The following LAMA1 variants were observed in gnomAD, a reference collection of about 807,000 sequenced individuals.
LAMA1 encodes laminin subunit alpha 1, also known as laminin subunit alpha-1.
LAMA1 carries 219 observed loss-of-function variants against 348.7 expected under a neutral mutation model. The observed-to-expected ratio is 0.63, with a 90% CI of 0.56 to 0.70. LAMA1 has a LOEUF of 0.70. Ranked by LOEUF, LAMA1 falls within the 30% of genes least tolerant of loss-of-function variation. The probability of loss-of-function intolerance (pLI) is 0.00; values close to 1 mark genes in which losing one functional copy is unlikely to be tolerated. For synonymous variants in LAMA1, 1,487 were observed against 1,491.0 expected (o/e 1.00, Z 0.06); for missense variants, 3,744 against 3,888.0 (o/e 0.96, Z 0.99).
chr18:7,022,917 G>A (rs686745), intron 19 of LAMA1, among the ~76,000 whole-genome samples: 51,334 of 151,942 alleles, frequency 0.34, 9,072 homozygotes, highest in Middle Eastern at 0.45. Context: ...TGGCCGCTCG[G>A]GTGGCAGGCT....
At chr18:7,117,520 G>A (rs1598328183) in intron 1 of LAMA1, 140 bp downstream of exon 1, 1 of 797,502 alleles carries the variant, frequency 1.3e-6, no homozygotes, top group Non-Finnish European at 2.0e-6. Flanking sequence ...GGAGACCCAC[G>A]TGGCCGAGAC....
At position 7,083,176 on chromosome 18, in the gene LAMA1, A is replaced by AATAT. The variant is rs1317677339; in HGVS notation, c.62-2723_62-2720dup. ...ACAGGTTTCTTACCTGGCTGTTCTAAATATATATATATATACATTTTTTTT... is the reference window on the plus strand; with the variant it reads ...ACAGGTTTCTTACCTGGCTGTTCTAAATATATATATATATATATACATTTTTTTT... On this transcript the variant is annotated intron_variant, in intron 1 of 62. Coordinates refer to ENST00000389658, the MANE Select transcript of LAMA1 (RefSeq NM_005559.4). Among the ~76,000 whole-genome samples, 241 of 148,032 alleles carry AATAT rather than the reference A, an allele frequency of 1.6e-3. 1 individual carries two copies. Among genetic ancestry groups the AATAT allele is most frequent in the African/African-American group, 5.5e-3 (222 of 40,290 alleles).
Position 6,947,311 on chromosome 18 carries a change from G to A in LAMA1, c.8711-15C>T, listed in dbSNP as rs2057526501. On this transcript the variant is annotated splice_polypyrimidine_tract_variant and intron_variant, in intron 60 of 62. Transcript: ENST00000389658. Reference sequence around the variant, plus strand: ...GCCCTCTTTGACTGTAACACACAAGGAGGACCCAAGTCAGGGTGAGCGCTG... The same window carrying A: ...GCCCTCTTTGACTGTAACACACAAGAAGGACCCAAGTCAGGGTGAGCGCTG... The A allele has an allele frequency of 3.7e-6, 6 of 1,613,194 alleles. No homozygotes were observed. The highest frequency in any genetic ancestry group is 1.9e-4 in the Middle Eastern group (1 of 5,286).
intron 3 of LAMA1, among the ~76,000 whole-genome samples, chr18:7,075,255 G>A (rs1405036794): frequency 1.3e-5 from 2 of 151,982 alleles, no homozygotes; most frequent in Non-Finnish European, 2.9e-5. Flanking sequence ...CAGCCAAAAG[G>A]TTTGTTCCTT....
At chr18:7,037,786 A>G (rs148699428) in intron 11 of LAMA1, 35 bp from the exon 12 acceptor site, 326 of 1,604,692 alleles carry the variant, frequency 2.0e-4, no homozygotes, top group Non-Finnish European at 2.7e-4. Context: ...GAAGTATGAA[A>G]TAGAACTTAC....
intron 29 of LAMA1, 85 bp from the exon 30 acceptor site, chr18:7,002,470 C>T (rs755163837): frequency 3.5e-5 from 48 of 1,352,344 alleles, no homozygotes; most frequent in South Asian, 2.3e-4. Flanking sequence ...AGCACTGCCA[C>T]GTTTTATATC....
intron 29 of LAMA1, among the ~76,000 whole-genome samples, chr18:7,003,410 C>A (rs1249632011): frequency 6.6e-6 from 1 of 152,046 alleles, no homozygotes; most frequent in Non-Finnish European, 1.5e-5. Flanking sequence ...ACCACCACAA[C>A]CGGCTAATTT....
chr18:7,098,160 G>A (rs1306331746), intron 1 of LAMA1, among the ~76,000 whole-genome samples: 2 of 151,840 alleles, frequency 1.3e-5, no homozygotes, highest in Non-Finnish European at 2.9e-5. Flanking sequence ...GCTCAATGGT[G>A]CCCAGGCTGG....
intron 1 of LAMA1, among the ~76,000 whole-genome samples, chr18:7,108,160 A>G (rs898400262): frequency 2.6e-5 from 4 of 151,210 alleles, no homozygotes; most frequent in African/African-American, 9.7e-5. Context: ...ACATAGTGAA[A>G]CTCCGTCTCT....
chr18:6,953,094 A>C lies in LAMA1; in HGVS notation c.8208-2123T>G, dbSNP rs941378441. Among the ~76,000 whole-genome samples the C allele has an allele frequency of 2.1e-5, 3 of 144,026 alleles. 1 individual carries two copies. Among genetic ancestry groups the C allele is most frequent in the Admixed American group, 1.4e-4 (2 of 14,414 alleles). 94.5% of individuals were successfully genotyped at this position (144,026 alleles called of 152,430 possible). ...ATGGGAGCCATGTCTGCCTGTGTCCAGTGGATCCACACCATAGGAGCCATG... is the reference window on the plus strand; with the variant it reads ...ATGGGAGCCATGTCTGCCTGTGTCCCGTGGATCCACACCATAGGAGCCATG... On this transcript the variant is annotated intron_variant, in intron 57 of 62. Transcript: ENST00000389658.
In LAMA1 at chr18:6,988,169, C is replaced by T. The variant is rs144635314; in HGVS notation, c.5169-1822G>A. Among the ~76,000 whole-genome samples the T allele has an allele frequency of 4.6e-5, 7 of 152,258 alleles. No homozygotes were observed. The East Asian group carries it at 1.2e-3, about 25-fold the overall frequency. The stretch of plus-strand genomic sequence containing the variant: ...GGCCAAATTTTCATCTACAAGATGA[C>T]TCTTCTATCTAAACTACAATCAGGT... On this transcript the variant is annotated intron_variant, in intron 36 of 62. Coordinates refer to ENST00000389658, the MANE Select transcript of LAMA1 (RefSeq NM_005559.4).
intron 61 of LAMA1, 86 bp downstream of exon 61, chr18:6,947,077 A>C: frequency 6.5e-7 from 1 of 1,527,378 alleles, no homozygotes; most frequent in Non-Finnish European, 9.1e-7. Context: ...GAAAATAGAT[A>C]GTTGTGAATT....
intron 55 of LAMA1, 95 bp downstream of exon 55, chr18:6,958,382 A>T: frequency 1.4e-6 from 2 of 1,402,444 alleles, no homozygotes; most frequent in Non-Finnish European, 2.0e-6. Flanking sequence ...CAAAGTTTTC[A>T]ATCTCAAACA....
At chr18:7,089,747 G>C (rs1340618222) in intron 1 of LAMA1, among the ~76,000 whole-genome samples, 4 of 152,176 alleles carry the variant, frequency 2.6e-5, no homozygotes, top group African/African-American at 9.7e-5. Context: ...CGTTTTCAGG[G>C]ACATGTTCTC....
intron 3 of LAMA1, among the ~76,000 whole-genome samples, chr18:7,075,691 A>G (rs2058164981): frequency 6.6e-6 from 1 of 152,120 alleles, no homozygotes; most frequent in South Asian, 2.1e-4. Flanking sequence ...TAATTCCAGC[A>G]CTTTGGGAGG....
At chr18:7,060,366 G>A (rs2143745441) in intron 3 of LAMA1, among the ~76,000 whole-genome samples, 1 of 152,302 alleles carries the variant, frequency 6.6e-6, no homozygotes, top group Admixed American at 6.5e-5. Flanking sequence ...ACCATTAGAT[G>A]TGCAAAATAA....
At chr18:7,054,369 C>G (rs1453714449) in intron 3 of LAMA1, among the ~76,000 whole-genome samples, 1 of 150,184 alleles carries the variant, frequency 6.7e-6, no homozygotes, top group Non-Finnish European at 1.5e-5. Context: ...TTGTCAAGAA[C>G]GTAGTGAAAA....
chr18:6,969,354 T>C (rs1474978288), intron 48 of LAMA1, among the ~76,000 whole-genome samples: 1 of 152,042 alleles, frequency 6.6e-6, no homozygotes, highest in Admixed American at 6.6e-5. Context: ...TCAGAAAGGG[T>C]TCAAGCTCAA....
At chr18:7,110,885 C>A (rs1425553528) in intron 1 of LAMA1, among the ~76,000 whole-genome samples, 2 of 51,540 alleles carry the variant, frequency 3.9e-5, no homozygotes, top group Non-Finnish European at 6.6e-5. Flanking sequence ...GGTTTTTTTT[C>A]CCTCCCCCCC....
Sources: allele counts gnomAD v4.1 joint callset (sites outside exome capture counted in the v4.1 genomes callset), GRCh38; gene constraint gnomAD v4.1.1; transcripts MANE v1.5; gene names NCBI Gene and HGNC (gene_info 2026-07-23, HGNC 2026-07-21).